PCBP3: variants seen among roughly 807,000 people sequenced by gnomAD.
The protein encoded by PCBP3 is poly(rC) binding protein 3, also known as poly(rC)-binding protein 3.
PCBP3 carries 25 observed loss-of-function variants against 52.7 expected under a neutral mutation model. The ratio of observed to expected loss-of-function variants is 0.47; its 90% confidence interval spans 0.35 to 0.66. PCBP3 has a LOEUF of 0.66. PCBP3 is among the 30% of genes least tolerant of loss of function. PCBP3 has a pLI of 0.01. For synonymous variants in PCBP3, 162 were observed against 183.0 expected, an observed-to-expected ratio of 0.89 and a Z score of 0.93; for missense variants, 391 against 490.3, an observed-to-expected ratio of 0.80 and a Z score of 1.91.
intron 16 of PCBP3, among the ~76,000 whole-genome samples, chr21:45,937,644 CA>C (rs2077017074): frequency 6.6e-6 from 1 of 152,188 alleles, no homozygotes; most frequent in South Asian, 2.1e-4. Flanking sequence ...GCAATGGAGG[CA>C]CACAAGGGTG....
intron 3 of PCBP3, among the ~76,000 whole-genome samples, chr21:45,752,052 C>G (rs1290429814): frequency 1.3e-5 from 2 of 152,022 alleles, no homozygotes; most frequent in Non-Finnish European, 2.9e-5. Context: ...GAATATGCTG[C>G]AAATATTTTC....
At chr21:45,754,814 TTAAA>T (rs973504868) in intron 3 of PCBP3, among the ~76,000 whole-genome samples, 9 of 152,210 alleles carry the variant, frequency 5.9e-5, no homozygotes, top group Non-Finnish European at 8.8e-5. Context: ...ATCTTTCAAT[TTAAA>T]TAATACTCAG....
At chr21:45,850,568 T>C (rs888273529) in intron 5 of PCBP3, among the ~76,000 whole-genome samples, 1 of 152,236 alleles carries the variant, frequency 6.6e-6, no homozygotes, top group African/African-American at 2.4e-5. Flanking sequence ...CATGAACTTC[T>C]GTTGATACAA....
intron 4 of PCBP3, among the ~76,000 whole-genome samples, chr21:45,838,895 A>G (rs1414103279): frequency 6.6e-6 from 1 of 152,194 alleles, no homozygotes; most frequent in Non-Finnish European, 1.5e-5. Context: ...AAACATTTAC[A>G]TGATTCTAAA....
In PCBP3 at chr21:45,904,216, C is replaced by G. The variant is rs916965732; in HGVS notation, c.339+3103C>G. Among the ~76,000 whole-genome samples the G allele has an allele frequency of 5.9e-5, 9 of 152,194 alleles. No homozygotes were observed. The highest frequency in any genetic ancestry group is 1.9e-4 in the African/African-American group (8 of 41,450). On this transcript the variant is annotated intron_variant, in intron 9 of 17. Coordinates refer to ENST00000681687, the MANE Select transcript of PCBP3 (RefSeq NM_001384156.1). This position sits in a 1 kb window ranked among gnomAD's most constrained non-coding sequence, Gnocchi z 4.8. ...GGGCAGAGTCGAGTATCAGGAATTC[C>G]TAAAGGTACAAGCCTTCCAGTCATC...
intron 17 of PCBP3, among the ~76,000 whole-genome samples, chr21:45,941,421 C>T (rs2149624560): frequency 6.6e-6 from 1 of 152,296 alleles, no homozygotes; most frequent in Non-Finnish European, 1.5e-5. Context: ...GGGGGCTCCA[C>T]ATGGGGAAGG....
intron 2 of PCBP3, among the ~76,000 whole-genome samples, chr21:45,725,552 C>G (rs1380906075): frequency 6.6e-6 from 1 of 152,224 alleles, no homozygotes; most frequent in African/African-American, 2.4e-5. Context: ...TAAGCCTCTG[C>G]TGGGGGCCTG....
intron 1 of PCBP3, among the ~76,000 whole-genome samples, chr21:45,658,494 G>C (rs2147000405): frequency 6.6e-6 from 1 of 152,286 alleles, no homozygotes; most frequent in Non-Finnish European, 1.5e-5. Context: ...AGTTGAGACA[G>C]GGTCTTACCA....
chr21:45,665,471 TCATTTATCA>T (rs946613889), intron 1 of PCBP3, among the ~76,000 whole-genome samples: 5 of 152,180 alleles, frequency 3.3e-5, no homozygotes, highest in African/African-American at 1.2e-4. Context: ...TCTACTGAAT[TCATTTATCA>T]AATCCAGGAA....
intron 2 of PCBP3, among the ~76,000 whole-genome samples, chr21:45,715,798 G>A (rs1399202375): frequency 6.6e-6 from 1 of 152,148 alleles, no homozygotes. Flanking sequence ...CTGGGGAAAT[G>A]TGTATTCAAA....
At position 45,880,049 on chromosome 21, in the gene PCBP3, G is replaced by T. The variant is rs2095363200; in HGVS notation, c.11-16159G>T. On this transcript the variant is annotated intron_variant, in intron 5 of 17. Transcript: ENST00000681687. The surrounding 1 kb of genome is among the most constrained non-coding windows in gnomAD (Gnocchi z 5.4). ...GGTTTCAAGAGCTTGCAAAACGGTGGCAGTTCTCTGCTGTCTGCGTTTGTT... is the reference window on the plus strand; with the variant it reads ...GGTTTCAAGAGCTTGCAAAACGGTGTCAGTTCTCTGCTGTCTGCGTTTGTT... 6.6e-6 allele frequency among the ~76,000 whole-genome samples: 1 copy of T among 152,186 alleles called. No individual in the cohort carries two copies. Among genetic ancestry groups the T allele is most frequent in the Non-Finnish European group, 1.5e-5 (1 of 68,054 alleles).
chr21:45,746,952 G>A (rs945173018), intron 3 of PCBP3, among the ~76,000 whole-genome samples: 1 of 139,306 alleles, frequency 7.2e-6, no homozygotes, highest in African/African-American at 2.8e-5. Context: ...TAGCGCACAC[G>A]GTGTTGTCAG....
Position 45,940,009 on chromosome 21 carries a change from TC to T in PCBP3, c.910-15del. 2 of 1,607,280 alleles carry T rather than the reference TC, an allele frequency of 1.2e-6. No homozygotes were observed. Among genetic ancestry groups the T allele is most frequent in the South Asian group, 2.2e-5 (2 of 90,578 alleles). ...CTGGCTTGGGCTGTTCTCTAAGAAATCCCCCCGTCCTTGTTTCTAGCTAATA... is the reference window on the plus strand; with the variant it reads ...CTGGCTTGGGCTGTTCTCTAAGAAATCCCCCGTCCTTGTTTCTAGCTAATA... On this transcript the variant is annotated intron_variant, in intron 16 of 17. Coordinates refer to ENST00000681687, the MANE Select transcript of PCBP3 (RefSeq NM_001384156.1).
chr21:45,899,505 G>A (rs961634795), intron 6 of PCBP3, 94 bp from the exon 7 acceptor site: 23 of 904,170 alleles, frequency 2.5e-5, no homozygotes, highest in East Asian at 9.8e-5. Flanking sequence ...CACTCATACC[G>A]GGAAGGTAGG....
At chr21:45,676,972 T>C (rs1412119371) in intron 2 of PCBP3, among the ~76,000 whole-genome samples, 1 of 151,928 alleles carries the variant, frequency 6.6e-6, no homozygotes, top group Non-Finnish European at 1.5e-5. Context: ...GGGGTTTCGC[T>C]ATGTTGGCCA....
At chr21:45,908,944 G>C (rs903313876) in intron 9 of PCBP3, among the ~76,000 whole-genome samples, 1 of 152,096 alleles carries the variant, frequency 6.6e-6, no homozygotes, top group African/African-American at 2.4e-5. Flanking sequence ...GTCGTGGCCT[G>C]TCCCCGACAT....
At chr21:45,813,406 T>G (rs2092735985) in intron 4 of PCBP3, among the ~76,000 whole-genome samples, 1 of 152,216 alleles carries the variant, frequency 6.6e-6, no homozygotes, top group Non-Finnish European at 1.5e-5. Flanking sequence ...GATCTTCTGA[T>G]GAGTTCACTC....
chr21:45,913,559 C>T (rs1241199663), intron 11 of PCBP3, among the ~76,000 whole-genome samples: 2 of 152,042 alleles, frequency 1.3e-5, no homozygotes, highest in Non-Finnish European at 2.9e-5. Flanking sequence ...TCTGGGTTGG[C>T]GGCCAGCCCT....
intron 8 of PCBP3, 151 bp downstream of exon 8, chr21:45,900,774 GC>G (rs1423278846): frequency 5.7e-6 from 4 of 707,174 alleles, no homozygotes; most frequent in African/African-American, 1.8e-5. Context: ...CCCTACTCAG[GC>G]CTCCTGTGCT....
Sources: allele counts gnomAD v4.1 joint callset (sites outside exome capture counted in the v4.1 genomes callset), GRCh38; gene constraint gnomAD v4.1.1; non-coding constraint Gnocchi (gnomAD v3.1); transcripts MANE v1.5; gene names NCBI Gene and HGNC (gene_info 2026-07-23, HGNC 2026-07-21).